ATP10B: variants seen among roughly 807,000 people sequenced by gnomAD.
ATP10B encodes phospholipid-transporting ATPase VB.
In ATP10B, 122 loss-of-function variants were observed where a neutral mutation model predicts 141.2. The observed-to-expected ratio is 0.86, with a 90% CI of 0.75 to 1.00. The LOEUF is 1.00. Ranked by LOEUF, ATP10B falls within the 50% of genes least tolerant of loss-of-function variation. The pLI is 0.00. For missense variants in ATP10B, 1,876 were observed against 1,825.3 expected, an observed-to-expected ratio of 1.03 and a Z score of -0.51; for synonymous variants, 685 against 692.0, an observed-to-expected ratio of 0.99 and a Z score of 0.16.
At chr5:160,855,307 C>T (rs2127994979), upstream of ATP10B, among the ~76,000 whole-genome samples, 1 of 152,104 alleles carries the variant, frequency 6.6e-6, no homozygotes, top group South Asian at 2.1e-4. Flanking sequence ...GTTGTCACTA[C>T]TCTTTAGTTA....
At chr5:160,589,547 G>T (rs762149450) in intron 24 of ATP10B, 45 bp downstream of exon 24, 61 of 1,439,070 alleles carry the variant, frequency 4.2e-5, no homozygotes, top group Non-Finnish European at 5.7e-5. Context: ...ATAGTCAATG[G>T]GCAGGAGCAC....
intron 7 of ATP10B, among the ~76,000 whole-genome samples, chr5:160,655,741 G>A (rs1016946642): frequency 1.3e-5 from 2 of 152,192 alleles, no homozygotes; most frequent in African/African-American, 2.4e-5. Flanking sequence ...CATTGGGCCA[G>A]TCTAGTCTTC....
intron 2 of ATP10B, among the ~76,000 whole-genome samples, chr5:160,778,506 T>C (rs1770494833): frequency 6.6e-6 from 1 of 152,166 alleles, no homozygotes; most frequent in South Asian, 2.1e-4. Flanking sequence ...TTTAAGTATC[T>C]GGGCAGCAGA....
At chr5:160,714,020 C>T (rs1302848911) in intron 3 of ATP10B, among the ~76,000 whole-genome samples, 1 of 40,682 alleles carries the variant, frequency 2.5e-5, no homozygotes, top group Non-Finnish European at 4.4e-5. Context: ...GAGGGTAACC[C>T]GACCTTTCTC....
the ATP10B span, among the ~76,000 whole-genome samples, chr5:160,863,697 C>A: frequency 2.6e-5 from 4 of 151,914 alleles, no homozygotes; most frequent in Admixed American, 1.3e-4. Context: ...AATTGGTAGA[C>A]CATTAGCAGT....
At chr5:160,647,184 A>G (rs1760348696) in intron 8 of ATP10B, among the ~76,000 whole-genome samples, 1 of 152,202 alleles carries the variant, frequency 6.6e-6, no homozygotes, top group African/African-American at 2.4e-5. Context: ...TCTTCTAGCC[A>G]GCCTGTGCAG....
the ATP10B span, among the ~76,000 whole-genome samples, chr5:160,868,515 A>ATAC: frequency 1.8e-5 from 2 of 113,328 alleles, no homozygotes; most frequent in East Asian, 5.9e-4. Context: ...AAGGCATATG[A>ATAC]ACAGATACAC....
At chr5:160,730,914 T>G (rs998466122) in intron 2 of ATP10B, among the ~76,000 whole-genome samples, 1 of 152,182 alleles carries the variant, frequency 6.6e-6, no homozygotes, top group Admixed American at 6.5e-5. Flanking sequence ...ACCTTGAGCC[T>G]CTGCTGCTGA....
chr5:160,864,538 A>G, the ATP10B span, among the ~76,000 whole-genome samples: 14 of 151,948 alleles, frequency 9.2e-5, no homozygotes, highest in African/African-American at 3.4e-4. Flanking sequence ...CATTTTCATT[A>G]CTTCTATTCG....
At chr5:160,586,121 C>T (rs1177432643) in intron 24 of ATP10B, among the ~76,000 whole-genome samples, 1 of 152,166 alleles carries the variant, frequency 6.6e-6, no homozygotes, top group African/African-American at 2.4e-5. Flanking sequence ...AATGCTCTCC[C>T]TCCGCTTGTT....
chr5:160,852,965 C>G (rs1036337249), upstream of ATP10B, among the ~76,000 whole-genome samples: 7 of 152,118 alleles, frequency 4.6e-5, no homozygotes, highest in Admixed American at 4.6e-4. Flanking sequence ...AGTGAACATA[C>G]TAACTTCATG....
At chr5:160,760,434 A>T (rs12519724) in intron 2 of ATP10B, among the ~76,000 whole-genome samples, 36,669 of 152,136 alleles carry the variant, frequency 0.24, 4,701 homozygotes, top group Non-Finnish European at 0.28. Context: ...AAAACAAGGG[A>T]TTTCTGCTTT....
chr5:160,906,104 C>G, the ATP10B span, among the ~76,000 whole-genome samples: 1 of 152,146 alleles, frequency 6.6e-6, no homozygotes, highest in South Asian at 2.1e-4. Flanking sequence ...ACATCAAAAG[C>G]TGGGAAAGAT....
At chr5:160,837,402 A>G (rs1775513778) in intron 1 of ATP10B, among the ~76,000 whole-genome samples, 1 of 152,192 alleles carries the variant, frequency 6.6e-6, no homozygotes, top group African/African-American at 2.4e-5. Context: ...TGACCATAAC[A>G]GGACCTTGTT....
At chr5:160,778,985 A>G (rs1770532443) in intron 2 of ATP10B, among the ~76,000 whole-genome samples, 1 of 152,186 alleles carries the variant, frequency 6.6e-6, no homozygotes, top group Admixed American at 6.5e-5. Context: ...ACCGTGGTAA[A>G]GAGGGAATGG....
chr5:160,634,310 T>C, intron 12 of ATP10B, 44 bp downstream of exon 12: 1 of 1,613,844 alleles, frequency 6.2e-7, no homozygotes, highest in Non-Finnish European at 8.5e-7. Flanking sequence ...GAGCAGGGTA[T>C]TTCCTTTTAG....
the ATP10B span, among the ~76,000 whole-genome samples, chr5:160,893,399 T>A: frequency 6.6e-6 from 1 of 151,350 alleles, no homozygotes; most frequent in African/African-American, 2.4e-5. Context: ...GAGTAGGAGG[T>A]TTTCCCCTCC....
intron 14 of ATP10B, among the ~76,000 whole-genome samples, chr5:160,621,973 T>C (rs535308792): frequency 6.6e-6 from 1 of 152,334 alleles, no homozygotes; most frequent in African/African-American, 2.4e-5. Flanking sequence ...CATATGTCCT[T>C]CATTACCTTG....
rs199911740 is a variant in ATP10B, at chr5:160,782,477, ACACT to A, written c.-331+3078_-331+3081del. Among the ~76,000 whole-genome samples the A allele has an allele frequency of 1.1e-4, 16 of 145,450 alleles. No homozygotes were observed. The South Asian group carries it at 2.0e-3, about 18-fold the overall frequency. ...CACACACACACACACACACACACAC[ACACT>A]CACTCACTTTAGGAGCCCAGCCTCA... is the stretch of plus-strand genomic sequence containing the variant. On this transcript the variant is annotated intron_variant, in intron 2 of 25. Transcript: ENST00000327245.
Sources: gnomAD v4.1 joint callset for allele counts (sites outside exome capture counted in the v4.1 genomes callset) on GRCh38, gnomAD v4.1.1 for gene constraint, MANE v1.5 for transcripts, NCBI Gene and HGNC (gene_info 2026-07-23, HGNC 2026-07-21) for gene names.